SMYD4: variants seen among roughly 807,000 people sequenced by gnomAD.
The protein encoded by SMYD4 is SET and MYND domain containing 4.
SMYD4 carries 68 observed loss-of-function variants against 72.8 expected under a neutral mutation model. The ratio of observed to expected loss-of-function variants is 0.93; its 90% CI spans 0.77 to 1.14. The LOEUF is 1.14. Among genes scored for constraint, SMYD4 ranks in the 50% most tolerant of loss-of-function variants. The probability of loss-of-function intolerance (pLI) is 0.00; values close to 1 mark genes in which losing one functional copy is unlikely to be tolerated. For synonymous variants in SMYD4, 407 were observed against 388.6 expected (o/e 1.05, Z -0.56); for missense variants, 984 against 1,003.7 (o/e 0.98, Z 0.27).
chr17:1,786,637 C>T (rs1908706628), intron 7 of SMYD4, among the ~76,000 whole-genome samples, 173 bp downstream of exon 7: 1 of 152,148 alleles, frequency 6.6e-6, no homozygotes, highest in Non-Finnish European at 1.5e-5. Context: ...TGAACCTTTC[C>T]CTGTGGTTTC....
intron 7 of SMYD4, among the ~76,000 whole-genome samples, chr17:1,785,078 T>C (rs932486629): frequency 1.6e-4 from 23 of 145,424 alleles, no homozygotes; most frequent in African/African-American, 4.5e-4. Flanking sequence ...TGAGCCACCG[T>C]GCCCGGCCTT....
At chr17:1,782,338 G>C (rs1020174135) in intron 10 of SMYD4, 13 of 152,116 alleles carry the variant, frequency 8.5e-5, no homozygotes, top group African/African-American at 2.4e-4. Flanking sequence ...CTTTCGAATA[G>C]ATGCCAGCAG....
chr17:1,783,834 C>A, intron 8 of SMYD4: 1 of 340,828 alleles, frequency 2.9e-6, no homozygotes, highest in Non-Finnish European at 5.5e-6. Context: ...CCCATGATGT[C>A]AAGCTCTAAG....
intron 5 of SMYD4, among the ~76,000 whole-genome samples, chr17:1,788,667 C>T (rs1908836683): frequency 6.6e-6 from 1 of 151,930 alleles, no homozygotes; most frequent in African/African-American, 2.4e-5. Flanking sequence ...ATCGCTTGAA[C>T]CCCTGAGGAC....
chr17:1,791,665 C>G (rs561598386), intron 5 of SMYD4, among the ~76,000 whole-genome samples: 1 of 152,132 alleles, frequency 6.6e-6, no homozygotes, highest in Non-Finnish European at 1.5e-5. Flanking sequence ...CAAGCTGTAT[C>G]AAGTGCCTTA....
At chr17:1,786,295 CAG>C (rs1291577472) in intron 7 of SMYD4, among the ~76,000 whole-genome samples, 1 of 152,224 alleles carries the variant, frequency 6.6e-6, no homozygotes, top group Non-Finnish European at 1.5e-5. Context: ...TGGGCTAACA[CAG>C]AGAAAATGAA....
At chr17:1,794,095 A>G (rs1479222753) in intron 5 of SMYD4, among the ~76,000 whole-genome samples, 21 of 18,510 alleles carry the variant, frequency 1.1e-3, no homozygotes, top group Non-Finnish European at 1.5e-3. Flanking sequence ...ATATATATAT[A>G]TATATATATA....
intron 5 of SMYD4, among the ~76,000 whole-genome samples, chr17:1,791,792 T>C (rs1285497334): frequency 6.6e-6 from 1 of 151,818 alleles, no homozygotes; most frequent in Non-Finnish European, 1.5e-5. Flanking sequence ...GAGGCAGAGG[T>C]GGGAGGATCG....
Position 1,781,166 on chromosome 17 carries a change from C to T in SMYD4, c.*120G>A. On this transcript the variant is annotated 3_prime_UTR_variant, in exon 11 of 11. Coordinates refer to ENST00000305513, the MANE Select transcript of SMYD4 (RefSeq NM_052928.3). Reference sequence around the variant, plus strand: ...GAACTCCTGACATCAGGTGATCCGCCCACCTTAGCCTCCCAAAGTGCTGGG... The same window carrying T: ...GAACTCCTGACATCAGGTGATCCGCTCACCTTAGCCTCCCAAAGTGCTGGG... 1 of 1,296,954 alleles carries T rather than the reference C, an allele frequency of 7.7e-7. No homozygotes were observed. Among genetic ancestry groups the T allele is most frequent in the Non-Finnish European group, 1.1e-6 (1 of 951,804 alleles). 80.3% of individuals were successfully genotyped at this position (1,296,954 alleles called of 1,614,324 possible).
chr17:1,781,551 C>G, intron 10 of SMYD4, 112 bp from the exon 11 acceptor site: 1 of 1,280,296 alleles, frequency 7.8e-7, no homozygotes. Context: ...CATCAAGGAT[C>G]CTACAATCTA....
At position 1,783,025 on chromosome 17, in the gene SMYD4, A is replaced by G; in HGVS notation, c.2261+10T>C. ...CAGTGTGTGCCCTGTGAAGTGGGAA[A>G]GGGACTCACCCGTTGAAAAAGATCT... On this transcript the variant is annotated intron_variant, in intron 10 of 10. Coordinates refer to ENST00000305513, the MANE Select transcript of SMYD4 (RefSeq NM_052928.3). The G allele has an allele frequency of 1.2e-6, 2 of 1,613,080 alleles. No homozygotes were observed. Among genetic ancestry groups the G allele is most frequent in the African/African-American group, 2.7e-5 (2 of 74,944 alleles).
intron 5 of SMYD4, among the ~76,000 whole-genome samples, chr17:1,792,465 G>A (rs888813925): frequency 2.0e-5 from 3 of 152,092 alleles, no homozygotes; most frequent in African/African-American, 7.2e-5. Context: ...TGCTAACACG[G>A]TGAAACCCTG....
chr17:1,802,141 G>A (rs537879332), intron 4 of SMYD4, among the ~76,000 whole-genome samples: 11 of 152,144 alleles, frequency 7.2e-5, no homozygotes, highest in Non-Finnish European at 1.6e-4. Flanking sequence ...TATCTAACAT[G>A]CCAAAAGGAG....
rs958807063 is a variant in SMYD4 at position 1,781,216 on chromosome 17, T to C, written c.*70A>G. On this transcript the variant is annotated 3_prime_UTR_variant, in exon 11 of 11. Transcript: ENST00000305513. ...GATTACAGGCGTGAGCCACCATACCTGGCCAGCAAAACCTCTTTAACTTGT... is the reference window on the plus strand; with the variant it reads ...GATTACAGGCGTGAGCCACCATACCCGGCCAGCAAAACCTCTTTAACTTGT... 13 of 1,557,148 alleles carry C rather than the reference T, an allele frequency of 8.3e-6. No individual in the cohort carries two copies. Among genetic ancestry groups the C allele is most frequent in the Non-Finnish European group, 1.0e-5 (12 of 1,154,450 alleles).
chr17:1,789,161 G>A (rs1908867625), intron 5 of SMYD4, among the ~76,000 whole-genome samples: 1 of 152,012 alleles, frequency 6.6e-6, no homozygotes, highest in Non-Finnish European at 1.5e-5. Flanking sequence ...GCCGAGGCGG[G>A]TGGATCACCT....
At position 1,794,055 on chromosome 17, in the gene SMYD4, G is replaced by GTGTATATATATA. The variant is rs1555575703; in HGVS notation, c.1537+5801_1537+5802insTATATATATACA. ...TATATATGTATGTATATATATATGT[G>GTGTATATATATA]TGTATATATATGTGTATATATATGT... is the stretch of plus-strand genomic sequence containing the variant. On this transcript the variant is annotated intron_variant, in intron 5 of 10. Transcript: ENST00000305513. 6.0e-4 allele frequency among the ~76,000 whole-genome samples: 42 copies of GTGTATATATATA among 70,126 alleles called. 1 individual carries two copies. The highest frequency in any genetic ancestry group is 1.5e-3 in the South Asian group (4 of 2,688). 46.0% of individuals were successfully genotyped at this position (70,126 alleles called of 152,430 possible).
intron 3 of SMYD4, among the ~76,000 whole-genome samples, chr17:1,807,861 G>C (rs966763994): frequency 6.6e-6 from 1 of 152,168 alleles, no homozygotes; most frequent in Admixed American, 6.5e-5. Flanking sequence ...TATGGGAACA[G>C]AAAATCATGT....
intron 3 of SMYD4, 44 bp from the exon 4 acceptor site, chr17:1,804,759 A>G (rs1909951303): frequency 3.2e-6 from 5 of 1,580,032 alleles, no homozygotes; most frequent in Middle Eastern, 1.7e-4. Flanking sequence ...GGACACCAGC[A>G]TCTCTGAAGA....
intron 2 of SMYD4, among the ~76,000 whole-genome samples, chr17:1,824,195 T>C (rs1911040219): frequency 6.6e-6 from 1 of 151,916 alleles, no homozygotes; most frequent in Non-Finnish European, 1.5e-5. Context: ...ATACAAACAT[T>C]AGCCGGGCAT....
Sources: gnomAD v4.1 joint callset for allele counts (sites outside exome capture counted in the v4.1 genomes callset) on GRCh38, gnomAD v4.1.1 for gene constraint, MANE v1.5 for transcripts, NCBI Gene and HGNC (gene_info 2026-07-23, HGNC 2026-07-21) for gene names.